SLC25A48: variants seen among roughly 807,000 people sequenced by gnomAD.
SLC25A48 encodes CTC-321K16.1.
SLC25A48 carries 29 observed loss-of-function variants against 32.2 expected under a neutral mutation model. That is an observed-to-expected ratio of 0.90 (90% CI 0.67 to 1.23). The LOEUF is 1.23. Among genes scored for constraint, SLC25A48 ranks in the 50% most tolerant of loss-of-function variants. SLC25A48 has a pLI of 0.00. For missense variants in SLC25A48, 399 were observed against 422.7 expected, an observed-to-expected ratio of 0.94 and a Z score of 0.49; for synonymous variants, 164 against 172.3, an observed-to-expected ratio of 0.95 and a Z score of 0.38.
At chr5:135,788,512 C>T (rs1167499916) in intron 3 of SLC25A48, among the ~76,000 whole-genome samples, 2 of 149,908 alleles carry the variant, frequency 1.3e-5, no homozygotes, top group East Asian at 2.0e-4. Flanking sequence ...GGGTGTACAC[C>T]TCCCGCCATA....
chr5:135,812,011 G>A (rs1233503950), intron 3 of SLC25A48, among the ~76,000 whole-genome samples: 1 of 143,674 alleles, frequency 7.0e-6, no homozygotes. Flanking sequence ...GAATCTGGGA[G>A]GCAGAGGTTG....
intron 2 of SLC25A48, among the ~76,000 whole-genome samples, chr5:135,631,567 A>C (rs1752571164): frequency 6.6e-6 from 1 of 152,222 alleles, no homozygotes; most frequent in African/African-American, 2.4e-5. Context: ...CAAAGCTGAA[A>C]GCTCCAGGGT....
chr5:135,830,143 C>T (rs902498712), upstream of SLC25A48, among the ~76,000 whole-genome samples: 1 of 152,190 alleles, frequency 6.6e-6, no homozygotes, highest in Non-Finnish European at 1.5e-5. Context: ...CCAGCATCTC[C>T]TCCACGGCCC....
intron 3 of SLC25A48, among the ~76,000 whole-genome samples, chr5:135,703,405 A>G (rs1561455630): frequency 6.6e-6 from 1 of 152,032 alleles, no homozygotes; most frequent in African/African-American, 2.4e-5. Context: ...GCCTTTTCTT[A>G]CCTTCTGAGG....
intron 3 of SLC25A48, among the ~76,000 whole-genome samples, chr5:135,668,642 A>G (rs1425789780): frequency 1.3e-5 from 2 of 152,248 alleles, no homozygotes; most frequent in East Asian, 3.8e-4. Flanking sequence ...CAAATGTATG[A>G]AAAGCAACAT....
At chr5:135,690,827 T>C (rs1235520578) in intron 3 of SLC25A48, among the ~76,000 whole-genome samples, 1 of 152,096 alleles carries the variant, frequency 6.6e-6, no homozygotes, top group Non-Finnish European at 1.5e-5. Context: ...AGGCGGAGTG[T>C]GGGGCCCAAG....
chr5:135,810,677 G>T (rs1343744056), intron 3 of SLC25A48, among the ~76,000 whole-genome samples: 1 of 152,140 alleles, frequency 6.6e-6, no homozygotes, highest in Non-Finnish European at 1.5e-5. Flanking sequence ...AGGAGGTTTC[G>T]TATTTTATAT....
At chr5:135,723,890 A>T (rs924247231) in intron 3 of SLC25A48, among the ~76,000 whole-genome samples, 1 of 152,202 alleles carries the variant, frequency 6.6e-6, no homozygotes, top group Non-Finnish European at 1.5e-5. Flanking sequence ...CATCTAGGTG[A>T]TTTCTATAAT....
rs186090044 is a variant in SLC25A48, at chr5:135,787,204, A to G, written c.-520-25319A>G. Among the ~76,000 whole-genome samples the G allele has an allele frequency of 3.4e-4, 52 of 152,266 alleles. No individual in the cohort carries two copies. The East Asian group carries it at 7.3e-3, about 21-fold the overall frequency. On this transcript the variant is annotated intron_variant, in intron 3 of 10. Coordinates refer to the SLC25A48 transcript ENST00000646290. The stretch of plus-strand genomic sequence containing the variant: ...TTACTTCCAAAATCACAGTGGGTGT[A>G]CAACAAATGTGTTCACCCTGTGATA...
intron 3 of SLC25A48, among the ~76,000 whole-genome samples, chr5:135,796,744 G>A (rs77733784): frequency 0.013 from 2,023 of 151,712 alleles, 46 homozygotes; most frequent in African/African-American, 0.045. Flanking sequence ...TAGTATTGCG[G>A]GGTGTGTAAC....
chr5:135,765,764 T>C lies in SLC25A48; in HGVS notation c.-520-46759T>C, dbSNP rs550842573. On this transcript the variant is annotated intron_variant, in intron 3 of 10. Coordinates refer to the SLC25A48 transcript ENST00000646290. ...CCTACCTGTGATATGGTTTGTAATA[T>C]CTTGGGTGGGAGAGGAGGATATTAC... Among the ~76,000 whole-genome samples, 24 of 151,764 alleles carry C rather than the reference T, an allele frequency of 1.6e-4. No individual in the cohort carries two copies. The South Asian group carries it at 4.6e-3, about 29-fold the overall frequency.
intron 4 of SLC25A48, chr5:135,827,158 T>C (rs916226022): frequency 6.6e-6 from 1 of 152,236 alleles, no homozygotes; most frequent in African/African-American, 2.4e-5. Flanking sequence ...GATTCCTGTT[T>C]GAAAATCCTT....
intron 4 of SLC25A48, among the ~76,000 whole-genome samples, chr5:135,814,598 A>G (rs142322861): frequency 2.1e-3 from 326 of 152,268 alleles, no homozygotes; most frequent in South Asian, 8.1e-3. Context: ...CTTTTCCTGC[A>G]GAGTAGGGGC....
At chr5:135,700,390 A>AAAAG (rs1754365758) in intron 3 of SLC25A48, among the ~76,000 whole-genome samples, 1 of 151,226 alleles carries the variant, frequency 6.6e-6, no homozygotes, top group African/African-American at 2.4e-5. Context: ...AAAAAAAAAA[A>AAAAG]AAAGAAAGAA....
chr5:135,682,401 A>G (rs563880287), intron 3 of SLC25A48, among the ~76,000 whole-genome samples: 1 of 152,136 alleles, frequency 6.6e-6, no homozygotes, highest in Admixed American at 6.5e-5. Flanking sequence ...GTACTTTTCA[A>G]CCTGGCCAAG....
Position 135,623,425 on chromosome 5 carries a change from T to C in SLC25A48, c.-848-5812T>C, listed in dbSNP as rs1284144053. 2.6e-5 allele frequency among the ~76,000 whole-genome samples: 4 copies of C among 152,190 alleles called. No individual in the cohort carries two copies. In the East Asian group the frequency reaches 7.7e-4, roughly 29 times the overall value. ...TGGCCATTCCAAATGGATGATAGCA[T>C]CTGCCTGAGGATACCAACATGTCTG... On this transcript the variant is annotated intron_variant, in intron 1 of 10. Transcript: ENST00000646290.
chr5:135,770,702 T>A (rs1756385090), intron 3 of SLC25A48, among the ~76,000 whole-genome samples: 1 of 151,370 alleles, frequency 6.6e-6, no homozygotes, highest in African/African-American at 2.4e-5. Flanking sequence ...GAGAGAATAA[T>A]GTTGCTCCAA....
chr5:135,587,031 G>T (rs909491004), intron 1 of SLC25A48, among the ~76,000 whole-genome samples: 3 of 151,984 alleles, frequency 2.0e-5, no homozygotes, highest in Non-Finnish European at 4.4e-5. Context: ...TATTTTTTTT[G>T]TTTTGTTTTG....
chr5:135,603,059 C>T (rs375774728), intron 1 of SLC25A48, among the ~76,000 whole-genome samples: 43 of 152,262 alleles, frequency 2.8e-4, no homozygotes, highest in African/African-American at 9.4e-4. Context: ...CCTGTGCGCA[C>T]GTCGGTTCCT....
Sources: gnomAD v4.1 joint callset for allele counts (sites outside exome capture counted in the v4.1 genomes callset) on GRCh38, gnomAD v4.1.1 for gene constraint, MANE v1.5 for transcripts, NCBI Gene and HGNC (gene_info 2026-07-23, HGNC 2026-07-21) for gene names.